The following SMYD3 variants were observed in gnomAD, a reference collection of about 807,000 sequenced individuals.
SMYD3 encodes the protein histone-lysine N-methyltransferase SMYD3.
In SMYD3, 36 loss-of-function variants were observed where a neutral mutation model predicts 57.7. The observed-to-expected ratio is 0.62, with a 90% confidence interval of 0.48 to 0.82. SMYD3 has a LOEUF of 0.82. SMYD3 is among the 40% of genes least tolerant of loss of function. SMYD3 has a pLI of 0.00. For synonymous variants in SMYD3, 211 were observed against 195.0 expected, an observed-to-expected ratio of 1.08 and a Z score of -0.68; for missense variants, 515 against 538.8, an observed-to-expected ratio of 0.96 and a Z score of 0.44.
At chr1:246,246,731 C>T (rs1187919057) in intron 5 of SMYD3, among the ~76,000 whole-genome samples, 2 of 151,490 alleles carry the variant, frequency 1.3e-5, no homozygotes, top group East Asian at 1.9e-4. Flanking sequence ...TTCATTTTAC[C>T]TATGTGGAAA....
chr1:246,121,585 T>C (rs1005174571), intron 5 of SMYD3, among the ~76,000 whole-genome samples: 2 of 152,314 alleles, frequency 1.3e-5, no homozygotes, highest in African/African-American at 4.8e-5. Flanking sequence ...ACATATTTAA[T>C]TTTCAGTGTA....
intron 1 of SMYD3, among the ~76,000 whole-genome samples, chr1:246,458,933 G>A (rs1285807755): frequency 6.6e-6 from 1 of 152,082 alleles, no homozygotes; most frequent in Non-Finnish European, 1.5e-5. Context: ...TGACCCAGTA[G>A]GCAAAACAAA....
At chr1:246,469,685 C>T (rs1236395394) in intron 1 of SMYD3, among the ~76,000 whole-genome samples, 1 of 152,010 alleles carries the variant, frequency 6.6e-6, no homozygotes, top group Non-Finnish European at 1.5e-5. Context: ...AAGGCTCCTC[C>T]TTAGAAGAAA....
rs1377003315 is a variant in SMYD3, at chr1:246,283,303, C to T, written c.531+43898G>A. 2.6e-5 allele frequency among the ~76,000 whole-genome samples: 4 copies of T among 152,264 alleles called. No homozygotes were observed. In the South Asian group the frequency reaches 8.3e-4, roughly 32 times the overall value. On this transcript the variant is annotated intron_variant, in intron 5 of 11. Transcript: ENST00000490107. ...GAGTGATCATATGCACAGAGCTTAGCATTTTACCTGGAACCTATGTGTTTC... is the reference window on the plus strand; with the variant it reads ...GAGTGATCATATGCACAGAGCTTAGTATTTTACCTGGAACCTATGTGTTTC...
intron 5 of SMYD3, among the ~76,000 whole-genome samples, chr1:246,095,789 T>G (rs2060903053): frequency 6.6e-6 from 1 of 152,182 alleles, no homozygotes; most frequent in African/African-American, 2.4e-5. Context: ...GGCAGGAGCA[T>G]CGCCTGAGCT....
chr1:246,476,380 G>C (rs758356966), intron 1 of SMYD3, among the ~76,000 whole-genome samples: 5 of 152,180 alleles, frequency 3.3e-5, no homozygotes, highest in Non-Finnish European at 5.9e-5. Flanking sequence ...GGCTTTAATA[G>C]GCATGCACAT....
intron 5 of SMYD3, among the ~76,000 whole-genome samples, chr1:246,051,825 T>C (rs1210780562): frequency 2.0e-5 from 3 of 152,220 alleles, no homozygotes; most frequent in Non-Finnish European, 4.4e-5. Context: ...TTATTAATCA[T>C]GCTGAAACTG....
chr1:246,079,103 G>A (rs1228438955), intron 5 of SMYD3, among the ~76,000 whole-genome samples: 1 of 151,994 alleles, frequency 6.6e-6, no homozygotes, highest in Middle Eastern at 3.2e-3. Flanking sequence ...CAGCCAATGT[G>A]ATCATTCTGG....
At chr1:245,994,742 G>A (rs1013134500) in intron 5 of SMYD3, among the ~76,000 whole-genome samples, 7 of 151,958 alleles carry the variant, frequency 4.6e-5, no homozygotes, top group East Asian at 1.9e-4. Flanking sequence ...ATCTATGTGC[G>A]GATCACAGTA....
At chr1:246,064,441 GA>G (rs1477151815) in intron 5 of SMYD3, among the ~76,000 whole-genome samples, 1 of 152,144 alleles carries the variant, frequency 6.6e-6, no homozygotes, top group Admixed American at 6.5e-5. Context: ...CCTCTACCTA[GA>G]ATGCATTTCC....
At chr1:246,268,090 G>C (rs1419133810) in intron 5 of SMYD3, among the ~76,000 whole-genome samples, 2 of 152,164 alleles carry the variant, frequency 1.3e-5, no homozygotes, top group Non-Finnish European at 2.9e-5. Flanking sequence ...ATCTTGAACA[G>C]GAGCTGGGTA....
At chr1:245,833,056 T>C (rs1214466046) in intron 10 of SMYD3, among the ~76,000 whole-genome samples, 1 of 24,044 alleles carries the variant, frequency 4.2e-5, no homozygotes, top group African/African-American at 6.4e-5. Flanking sequence ...CCGGAATATG[T>C]GACAAAAAAA....
At chr1:245,980,653 T>C (rs1475741921) in intron 5 of SMYD3, among the ~76,000 whole-genome samples, 3 of 152,208 alleles carry the variant, frequency 2.0e-5, no homozygotes, top group Non-Finnish European at 4.4e-5. Context: ...GAAAAAATAA[T>C]TCAAGAACAT....
At position 246,355,761 on chromosome 1, in the gene SMYD3, A is replaced by G. The variant is rs531261585; in HGVS notation, c.165-667T>C. Among the ~76,000 whole-genome samples the G allele has an allele frequency of 6.6e-6, 1 of 152,114 alleles. No individual in the cohort carries two copies. The highest frequency in any genetic ancestry group is 1.9e-4 in the East Asian group (1 of 5,154). ...ACATAACTCCATTAGACTGAAAACC[A>G]CATCCCCATCCCAACAGCAGCCGCA... On this transcript the variant is annotated intron_variant, in intron 1 of 11. Coordinates refer to ENST00000490107, the MANE Select transcript of SMYD3 (RefSeq NM_001167740.2). This position sits in a 1 kb window ranked among gnomAD's most constrained non-coding sequence, Gnocchi z 5.0.
At chr1:246,154,410 A>T (rs1360705279) in intron 5 of SMYD3, among the ~76,000 whole-genome samples, 3 of 152,150 alleles carry the variant, frequency 2.0e-5, no homozygotes, top group Non-Finnish European at 4.4e-5. Flanking sequence ...TTCAGGGCTT[A>T]AGTCTTCAGA....
intron 5 of SMYD3, among the ~76,000 whole-genome samples, chr1:246,010,012 A>G (rs2059253671): frequency 7.4e-6 from 1 of 134,792 alleles, no homozygotes; most frequent in South Asian, 2.7e-4. Context: ...AATCGCTTGA[A>G]CCCAGGGGGC....
intron 5 of SMYD3, among the ~76,000 whole-genome samples, chr1:246,093,251 C>T (rs1265979045): frequency 6.6e-6 from 1 of 152,168 alleles, no homozygotes; most frequent in African/African-American, 2.4e-5. Context: ...CGTGACCCAG[C>T]AATCTCACAG....
At position 246,335,146 on chromosome 1, in the gene SMYD3, A is replaced by G. The variant is rs140303353; in HGVS notation, c.336+221T>C. On this transcript the variant is annotated intron_variant, in intron 3 of 11. Coordinates refer to ENST00000490107, the MANE Select transcript of SMYD3 (RefSeq NM_001167740.2). ...AAAGTATGTACATTGTTCTGTTGGC[A>G]TAATGCTACTGAACACTTAATAGAC... is the stretch of plus-strand genomic sequence containing the variant. Among the ~76,000 whole-genome samples, 143 of 152,354 alleles carry G rather than the reference A, an allele frequency of 9.4e-4. 1 individual carries two copies. The highest frequency in any genetic ancestry group is 3.3e-3 in the African/African-American group (137 of 41,584).
intron 5 of SMYD3, among the ~76,000 whole-genome samples, chr1:246,139,107 G>A (rs544309624): frequency 1.1e-4 from 16 of 152,274 alleles, no homozygotes; most frequent in East Asian, 7.7e-4. Context: ...GAGTAATGGC[G>A]AAACTCACAG....
Sources: allele counts gnomAD v4.1 joint callset (sites outside exome capture counted in the v4.1 genomes callset), GRCh38; gene constraint gnomAD v4.1.1; non-coding constraint Gnocchi (gnomAD v3.1); transcripts MANE v1.5; gene names NCBI Gene and HGNC (gene_info 2026-07-23, HGNC 2026-07-21).